The following CACNA2D3 variants were observed in gnomAD, a reference collection of about 807,000 sequenced individuals.
The protein encoded by CACNA2D3 is voltage-dependent calcium channel subunit alpha-2/delta-3.
Under a neutral mutation model 160.6 loss-of-function variants are expected in CACNA2D3, and 60 were observed. That is an observed-to-expected ratio of 0.37 (90% CI 0.30 to 0.46). The LOEUF is 0.46. Ranked by LOEUF, CACNA2D3 falls within the 20% of genes least tolerant of loss-of-function variation. CACNA2D3 has a pLI of 1.00. For synonymous variants in CACNA2D3, 558 were observed against 492.9 expected (o/e 1.13, Z -1.75); for missense variants, 1,205 against 1,365.0 (o/e 0.88, Z 1.85).
At chr3:54,823,987 G>A (rs909348583) in intron 14 of CACNA2D3, among the ~76,000 whole-genome samples, 2 of 152,106 alleles carry the variant, frequency 1.3e-5, no homozygotes, top group African/African-American at 4.8e-5. Context: ...ACTACCAAGA[G>A]TTAACCTAAC....
chr3:54,650,955 A>G (rs1179363547), intron 11 of CACNA2D3, among the ~76,000 whole-genome samples: 1 of 152,236 alleles, frequency 6.6e-6, no homozygotes, highest in African/African-American at 2.4e-5. Flanking sequence ...GAAGTATACT[A>G]TCGTTATCCC....
intron 27 of CACNA2D3, among the ~76,000 whole-genome samples, chr3:54,916,260 A>C (rs1487055652): frequency 6.6e-6 from 1 of 152,164 alleles, no homozygotes; most frequent in Non-Finnish European, 1.5e-5. Context: ...ACAAGGTATA[A>C]AAACGTATAA....
chr3:54,878,912 G>A, intron 18 of CACNA2D3, 106 bp from the exon 19 acceptor site: 1 of 588,428 alleles, frequency 1.7e-6, no homozygotes, highest in African/African-American at 1.9e-5. Context: ...CTGTTTTCGA[G>A]GTGTAAGTTC....
intron 35 of CACNA2D3, among the ~76,000 whole-genome samples, chr3:55,039,579 A>G (rs945546350): frequency 1.3e-5 from 2 of 152,220 alleles, no homozygotes; most frequent in African/African-American, 4.8e-5. Flanking sequence ...AAGCCACTTC[A>G]ACTTGGTCCT....
intron 27 of CACNA2D3, among the ~76,000 whole-genome samples, chr3:54,934,589 A>G (rs1701283286): frequency 6.6e-6 from 1 of 152,146 alleles, no homozygotes; most frequent in Non-Finnish European, 1.5e-5. Flanking sequence ...AAAGCTAAGG[A>G]AGACAGTGGC....
intron 2 of CACNA2D3, among the ~76,000 whole-genome samples, chr3:54,242,841 A>G (rs1191446617): frequency 6.6e-6 from 1 of 152,252 alleles, no homozygotes; most frequent in Non-Finnish European, 1.5e-5. Flanking sequence ...CTAAGAAAAC[A>G]TTAGCAAGTC....
intron 2 of CACNA2D3, among the ~76,000 whole-genome samples, chr3:54,232,146 C>G (rs1201921530): frequency 6.6e-6 from 1 of 152,208 alleles, no homozygotes; most frequent in Non-Finnish European, 1.5e-5. Flanking sequence ...GTGTGTCTGT[C>G]TAACATGAGG....
At chr3:54,224,578 A>G (rs975995489) in intron 2 of CACNA2D3, among the ~76,000 whole-genome samples, 6 of 152,158 alleles carry the variant, frequency 3.9e-5, no homozygotes, top group Non-Finnish European at 8.8e-5. Flanking sequence ...CGTATATGCC[A>G]TTTGTTGTTG....
At chr3:54,805,132 A>G (rs1435858474) in intron 13 of CACNA2D3, among the ~76,000 whole-genome samples, 2 of 152,220 alleles carry the variant, frequency 1.3e-5, no homozygotes, top group African/African-American at 4.8e-5. Context: ...TAACATCACA[A>G]TTAAAAGAAC....
At chr3:54,554,865 ACT>A (rs1553723765) in intron 5 of CACNA2D3, among the ~76,000 whole-genome samples, 12 of 88,350 alleles carry the variant, frequency 1.4e-4, no homozygotes, top group African/African-American at 5.8e-4. Context: ...TTTCTCTCTC[ACT>A]CTCTTTTTTT....
rs576643813 is a variant in CACNA2D3 at position 54,127,330 on chromosome 3, CTATT to C, written c.204+3741_204+3744del. ...CACAATCTGTTTTTTACATTATCAA[CTATT>C]TATTGAGAGGGCAGCCTTAATATAT... On this transcript the variant is annotated intron_variant, in intron 2 of 37. Coordinates refer to ENST00000474759, the MANE Select transcript of CACNA2D3 (RefSeq NM_018398.3). Among the ~76,000 whole-genome samples the C allele has an allele frequency of 9.2e-5, 14 of 152,336 alleles. No individual in the cohort carries two copies. In the East Asian group the frequency reaches 1.3e-3, roughly 15 times the overall value.
intron 3 of CACNA2D3, among the ~76,000 whole-genome samples, chr3:54,372,263 A>C (rs1247273999): frequency 6.6e-6 from 1 of 152,070 alleles, no homozygotes; most frequent in East Asian, 1.9e-4. Flanking sequence ...GTCTTAACTC[A>C]CAAAGTGGCG....
At chr3:54,653,198 A>T (rs1300020106) in intron 11 of CACNA2D3, among the ~76,000 whole-genome samples, 1 of 152,164 alleles carries the variant, frequency 6.6e-6, no homozygotes, top group Admixed American at 6.5e-5. Flanking sequence ...TACCGATGGT[A>T]TTAACTCTCC....
At chr3:54,454,285 G>C (rs1335153601) in intron 4 of CACNA2D3, among the ~76,000 whole-genome samples, 1 of 152,090 alleles carries the variant, frequency 6.6e-6, no homozygotes, top group Non-Finnish European at 1.5e-5. Context: ...AATTTTGACA[G>C]ATGCATTCCT....
chr3:54,453,277 G>C (rs548614202), intron 4 of CACNA2D3, among the ~76,000 whole-genome samples: 1 of 152,274 alleles, frequency 6.6e-6, no homozygotes, highest in South Asian at 2.1e-4. Flanking sequence ...ACAGGCATGA[G>C]CCACTGTGCC....
chr3:54,759,927 C>G (rs983010101), intron 12 of CACNA2D3, among the ~76,000 whole-genome samples: 7 of 152,198 alleles, frequency 4.6e-5, no homozygotes, highest in African/African-American at 1.7e-4. Context: ...GTTTGTGTTT[C>G]TTCCCCTACA....
At chr3:55,022,527 CTTCCTTCCTTCTTTCTTTCT>C (rs1440923446) in intron 35 of CACNA2D3, among the ~76,000 whole-genome samples, 15 of 139,624 alleles carry the variant, frequency 1.1e-4, no homozygotes, top group East Asian at 3.9e-4. Flanking sequence ...TTGTTCCTTT[CTTCCTTCCTTCTTTCTTTCT>C]TTCCTTCCTT....
chr3:54,740,383 T>C (rs1701626072), intron 11 of CACNA2D3, among the ~76,000 whole-genome samples: 1 of 152,126 alleles, frequency 6.6e-6, no homozygotes, highest in Admixed American at 6.5e-5. Context: ...TCCCACCCTA[T>C]TCACCTGAGG....
intron 14 of CACNA2D3, among the ~76,000 whole-genome samples, chr3:54,822,823 CTTTCTTTCT>C (rs1318775231): frequency 0.013 from 1,141 of 91,192 alleles, 48 homozygotes; most frequent in East Asian, 0.022. Flanking sequence ...TTCTTTCTTT[CTTTCTTTCT>C]TTTCTTTCTT....
Sources: gnomAD v4.1 joint callset for allele counts (sites outside exome capture counted in the v4.1 genomes callset) on GRCh38, gnomAD v4.1.1 for gene constraint, MANE v1.5 for transcripts, NCBI Gene and HGNC (gene_info 2026-07-23, HGNC 2026-07-21) for gene names.